The following SH3BGR variants were observed in gnomAD, a reference collection of about 807,000 sequenced individuals.
SH3BGR encodes SH3 domain-binding glutamic acid-rich protein.
SH3BGR carries 29 observed loss-of-function variants against 24.5 expected under a neutral mutation model. The ratio of observed to expected loss-of-function variants is 1.18; its 90% CI spans 0.88 to 1.61. The LOEUF (loss-of-function observed/expected upper bound fraction) is 1.61. Among genes scored for constraint, SH3BGR ranks in the 40% most tolerant of loss-of-function variants. The pLI is 0.00. For missense variants in SH3BGR, 162 were observed against 205.8 expected (o/e 0.79, Z 1.30); for synonymous variants, 55 against 65.7 (o/e 0.84, Z 0.79).
At chr21:39,448,815 C>G (rs2077540474), upstream of SH3BGR, among the ~76,000 whole-genome samples, 3 of 152,188 alleles carry the variant, frequency 2.0e-5, no homozygotes, top group Admixed American at 2.0e-4. Context: ...AACACAACTT[C>G]AGCTGGAAAA....
At chr21:39,458,121 G>A (rs576227050) in intron 1 of SH3BGR, among the ~76,000 whole-genome samples, 3 of 152,300 alleles carry the variant, frequency 2.0e-5, no homozygotes, top group Admixed American at 1.3e-4. Flanking sequence ...GGATAGACAT[G>A]TACCTTTTAC....
chr21:39,448,033 T>C (rs1481849436), upstream of SH3BGR, among the ~76,000 whole-genome samples: 1 of 152,212 alleles, frequency 6.6e-6, no homozygotes, highest in Non-Finnish European at 1.5e-5. Flanking sequence ...TGGGGACTCC[T>C]GCTATTCCTT....
chr21:39,448,656 C>T (rs772215918), upstream of SH3BGR, among the ~76,000 whole-genome samples: 4 of 152,094 alleles, frequency 2.6e-5, no homozygotes, highest in Non-Finnish European at 5.9e-5. Flanking sequence ...TGCACTCCAG[C>T]CTGGTGACAG....
At chr21:39,492,481 T>TACAC (rs900456010) in intron 3 of SH3BGR, among the ~76,000 whole-genome samples, 7 of 81,546 alleles carry the variant, frequency 8.6e-5, no homozygotes, top group East Asian at 1.5e-3. Context: ...TATATATATA[T>TACAC]ACACACACAC....
chr21:39,472,407 C>G (rs2077956158), intron 2 of SH3BGR, among the ~76,000 whole-genome samples: 1 of 152,166 alleles, frequency 6.6e-6, no homozygotes, highest in Non-Finnish European at 1.5e-5. Context: ...CAACAGCTCC[C>G]CTTAGGCCCC....
chr21:39,482,061 T>C (rs2078138459), intron 3 of SH3BGR, among the ~76,000 whole-genome samples: 1 of 152,184 alleles, frequency 6.6e-6, no homozygotes, highest in South Asian at 2.1e-4. Flanking sequence ...CTCACTGATA[T>C]CAAATGCTGC....
chr21:39,459,510 G>A (rs367738715), intron 1 of SH3BGR, among the ~76,000 whole-genome samples: 11 of 149,444 alleles, frequency 7.4e-5, no homozygotes, highest in Admixed American at 3.3e-4. Context: ...GGCATGCACC[G>A]CCATGCCTGG....
At chr21:39,501,184 T>G (rs2078488464) in intron 4 of SH3BGR, among the ~76,000 whole-genome samples, 1 of 152,250 alleles carries the variant, frequency 6.6e-6, no homozygotes, top group Non-Finnish European at 1.5e-5. Flanking sequence ...ATGAATACTT[T>G]GAAGTTGAGT....
intron 1 of SH3BGR, among the ~76,000 whole-genome samples, chr21:39,458,530 G>C (rs2077702035): frequency 1.3e-5 from 2 of 151,768 alleles, no homozygotes; most frequent in South Asian, 4.1e-4. Context: ...TAGAGACAAG[G>C]TTTCGCCATG....
chr21:39,460,772 ATTC>A lies in SH3BGR; in HGVS notation c.46-1597_46-1595del, dbSNP rs547299483. On this transcript the variant is annotated intron_variant, in intron 1 of 6. Transcript: ENST00000333634. Reference sequence around the variant, plus strand: ...TGTGAGCCACCGCACCCAGCCTTCTATTCTTCTTTAAACAAAATTTTTATTTTA... The same window carrying A: ...TGTGAGCCACCGCACCCAGCCTTCTATTCTTTAAACAAAATTTTTATTTTA... 5.7e-3 allele frequency among the ~76,000 whole-genome samples: 861 copies of A among 152,180 alleles called. 2 individuals are homozygous for A. The highest frequency in any genetic ancestry group is 0.014 in the Middle Eastern group (4 of 294).
At chr21:39,500,007 AG>A (rs1336363234) in intron 4 of SH3BGR, 92 bp downstream of exon 4, 22 of 885,172 alleles carry the variant, frequency 2.5e-5, no homozygotes, top group Non-Finnish European at 4.1e-5. Flanking sequence ...GGGCACAAGC[AG>A]TCAGAAAGAG....
intron 1 of SH3BGR, among the ~76,000 whole-genome samples, chr21:39,446,680 C>T (rs761682562): frequency 1.4e-4 from 22 of 152,024 alleles, no homozygotes; most frequent in Non-Finnish European, 2.9e-5. Flanking sequence ...TGCCATTTGT[C>T]CTTATTGTGT....
intron 3 of SH3BGR, among the ~76,000 whole-genome samples, chr21:39,493,776 C>T (rs1050695800): frequency 9.9e-5 from 15 of 152,102 alleles, no homozygotes; most frequent in South Asian, 2.1e-4. Flanking sequence ...TTGTTTGTGT[C>T]GTCTATGATT....
chr21:39,499,757 G>A (rs2078461470), intron 3 of SH3BGR, 66 bp from the exon 4 acceptor site: 2 of 1,186,176 alleles, frequency 1.7e-6, no homozygotes, highest in Admixed American at 2.0e-5. Flanking sequence ...CACAGCATAT[G>A]TGGCCTGTTT....
intron 3 of SH3BGR, among the ~76,000 whole-genome samples, chr21:39,490,530 T>C (rs1393804371): frequency 6.6e-6 from 1 of 152,232 alleles, no homozygotes; most frequent in Admixed American, 6.5e-5. Context: ...TTTGTATTTA[T>C]AATTGTTACA....
chr21:39,485,901 G>A (rs1450211094), intron 3 of SH3BGR, among the ~76,000 whole-genome samples: 1 of 151,772 alleles, frequency 6.6e-6, no homozygotes, highest in Admixed American at 6.6e-5. Flanking sequence ...TGTTAGCCAG[G>A]ATGGTCTCGA....
rs865804821 is a variant in SH3BGR at position 39,482,682 on chromosome 21, T to G, written c.312+7467T>G. On this transcript the variant is annotated intron_variant, in intron 3 of 6. Transcript: ENST00000333634. The stretch of plus-strand genomic sequence containing the variant: ...AATGAAGAGCTGGAGCAATGCTTTT[T>G]TTTTTGAGACAGAGTCTCGCTCTGT... 6.6e-5 allele frequency among the ~76,000 whole-genome samples: 10 copies of G among 152,314 alleles called. No homozygotes were observed. The South Asian group carries it at 2.1e-3, about 32-fold the overall frequency.
chr21:39,464,559 G>A lies in SH3BGR; in HGVS notation c.231+1999G>A, dbSNP rs941149615. Among the ~76,000 whole-genome samples the A allele has an allele frequency of 4.1e-4, 63 of 152,130 alleles. 2 individuals carry two copies. Among genetic ancestry groups the A allele is most frequent in the Non-Finnish European group, 1.5e-5 (1 of 68,028 alleles). On this transcript the variant is annotated intron_variant, in intron 2 of 6. Coordinates refer to ENST00000333634, the MANE Select transcript of SH3BGR (RefSeq NM_007341.3). ...ACTTTCTGGGGTTCCAGGCTGACATGGATTTATGGGAGACACTGTTCAGTC... is the reference window on the plus strand; with the variant it reads ...ACTTTCTGGGGTTCCAGGCTGACATAGATTTATGGGAGACACTGTTCAGTC...
At chr21:39,470,516 C>T (rs775864082) in intron 2 of SH3BGR, among the ~76,000 whole-genome samples, 21 of 152,190 alleles carry the variant, frequency 1.4e-4, no homozygotes, top group Non-Finnish European at 2.9e-4. Flanking sequence ...CCCACCTTGG[C>T]CTCCCAAAGT....
Sources: allele counts gnomAD v4.1 joint callset (sites outside exome capture counted in the v4.1 genomes callset), GRCh38; gene constraint gnomAD v4.1.1; transcripts MANE v1.5; gene names NCBI Gene and HGNC (gene_info 2026-07-23, HGNC 2026-07-21).